Variants in AK9 observed in about 807,000 individuals in gnomAD.
The protein encoded by AK9 is adenylate kinase domain containing 1.
Under a neutral mutation model 239.6 loss-of-function variants are expected in AK9, and 191 were observed. The ratio of observed to expected loss-of-function variants is 0.80; its 90% CI spans 0.71 to 0.90. The LOEUF (loss-of-function observed/expected upper bound fraction) is 0.90. AK9 is among the 40% of genes least tolerant of loss of function. AK9 has a pLI of 0.00. For synonymous variants in AK9, 689 were observed against 721.0 expected (o/e 0.96, Z 0.71); for missense variants, 1,995 against 2,214.7 (o/e 0.90, Z 1.99).
At chr6:109,575,788 T>A (rs1787993555) in intron 20 of AK9, among the ~76,000 whole-genome samples, 1 of 152,248 alleles carries the variant, frequency 6.6e-6, no homozygotes, top group South Asian at 2.1e-4. Flanking sequence ...AGAATTTTTA[T>A]GGTTTCAGGT....
At chr6:109,619,790 T>C (rs182803741) in intron 12 of AK9, among the ~76,000 whole-genome samples, 1 of 152,174 alleles carries the variant, frequency 6.6e-6, no homozygotes, top group East Asian at 1.9e-4. Flanking sequence ...TATGCTCCTT[T>C]GTTGTCAATC....
At chr6:109,513,008 C>T (rs1242379445) in intron 32 of AK9, among the ~76,000 whole-genome samples, 1 of 152,122 alleles carries the variant, frequency 6.6e-6, no homozygotes, top group Non-Finnish European at 1.5e-5. Flanking sequence ...GGACTACAGG[C>T]ATGTGCCACC....
In AK9 at chr6:109,514,410, C is replaced by T; in HGVS notation, c.4093G>A (p.Val1365Ile). Residue 1365 changes from valine to isoleucine, a missense_variant, in exon 32 of 41, where the codon GTT (valine) becomes ATT (isoleucine). Val to Ile is a conservative substitution (Grantham distance 29). Coordinates refer to ENST00000424296, the MANE Select transcript of AK9 (RefSeq NM_001145128.3). ...KLSEGETIKPVENAENPIYPV... is the reference protein window; with the variant it reads ...KLSEGETIKPIENAENPIYPV... ...TAAATTGGATTCTCTGCATTTTCAA[C>T]TGGCTTGATTGTCTCTCCTTCACTT... 1 of 1,549,088 alleles carries T rather than the reference C, an allele frequency of 6.5e-7. No individual in the cohort carries two copies. Among genetic ancestry groups the T allele is most frequent in the South Asian group, 1.2e-5 (1 of 83,778 alleles).
At chr6:109,595,240 C>G (rs552470659) in intron 17 of AK9, among the ~76,000 whole-genome samples, 2 of 152,104 alleles carry the variant, frequency 1.3e-5, no homozygotes, top group African/African-American at 4.8e-5. Context: ...ATGCGGCCAA[C>G]AAACATACGA....
At chr6:109,656,964 A>G in intron 7 of AK9, 80 bp from the exon 8 acceptor site, 1 of 1,490,024 alleles carries the variant, frequency 6.7e-7, no homozygotes, top group South Asian at 1.2e-5. Context: ...CACTCCTTAC[A>G]CCTAGATATC....
At chr6:109,596,366 T>A (rs1791030794) in intron 17 of AK9, among the ~76,000 whole-genome samples, 1 of 152,122 alleles carries the variant, frequency 6.6e-6, no homozygotes, top group African/African-American at 2.4e-5. Context: ...ATGTGCCAGG[T>A]CATGGAGTGG....
intron 38 of AK9, among the ~76,000 whole-genome samples, chr6:109,496,720 C>T (rs979256748): frequency 2.6e-5 from 4 of 152,158 alleles, no homozygotes; most frequent in African/African-American, 9.7e-5. Flanking sequence ...CCGCTGCCTT[C>T]CCCACATAAC....
chr6:109,570,446 A>T (rs1787272410), intron 21 of AK9, among the ~76,000 whole-genome samples: 1 of 152,144 alleles, frequency 6.6e-6, no homozygotes, highest in Non-Finnish European at 1.5e-5. Flanking sequence ...AATAAAAAAA[A>T]GAAAAACCAC....
Position 109,576,074 on chromosome 6 carries a change from T to C in AK9, c.2192-2480A>G, listed in dbSNP as rs1788035444. Reference sequence around the variant, plus strand: ...GTACCATGCTGTTTTGGTAACTATATCCTTGAAGTATAGTTTGAAGTTGGG... The same window carrying C: ...GTACCATGCTGTTTTGGTAACTATACCCTTGAAGTATAGTTTGAAGTTGGG... On this transcript the variant is annotated intron_variant, in intron 20 of 40. Coordinates refer to ENST00000424296, the MANE Select transcript of AK9 (RefSeq NM_001145128.3). 2.6e-5 allele frequency among the ~76,000 whole-genome samples: 4 copies of C among 152,300 alleles called. No individual in the cohort carries two copies. The South Asian group carries it at 8.3e-4, about 32-fold the overall frequency.
intron 12 of AK9, among the ~76,000 whole-genome samples, chr6:109,623,457 A>G (rs1795112163): frequency 2.0e-5 from 3 of 152,268 alleles, no homozygotes; most frequent in Admixed American, 2.0e-4. Context: ...AGAGATCTAC[A>G]TAGAAAGGAA....
chr6:109,562,699 T>G (rs909620266), intron 24 of AK9, among the ~76,000 whole-genome samples: 20 of 152,232 alleles, frequency 1.3e-4, no homozygotes, highest in Non-Finnish European at 2.4e-4. Flanking sequence ...TCCCCATTCC[T>G]AAGGCTAGGC....
At chr6:109,526,623 GGAA>G (rs545869043) in intron 29 of AK9, among the ~76,000 whole-genome samples, 12 of 152,072 alleles carry the variant, frequency 7.9e-5, no homozygotes, top group African/African-American at 2.2e-4. Context: ...ATGAAGAAAT[GGAA>G]GAAGAAGTAA....
chr6:109,596,002 T>A (rs1224788344), intron 17 of AK9, among the ~76,000 whole-genome samples: 4 of 151,012 alleles, frequency 2.6e-5, no homozygotes, highest in African/African-American at 7.3e-5. Context: ...AAGTATAATT[T>A]AAAAAAAAGA....
At chr6:109,669,477 A>C (rs12663805) in intron 5 of AK9, among the ~76,000 whole-genome samples, 1 of 151,680 alleles carries the variant, frequency 6.6e-6, no homozygotes, top group East Asian at 1.9e-4. Context: ...AGTTTTCAAA[A>C]GGAATGCTTC....
Position 109,493,531 on chromosome 6 carries a change from A to G in AK9, c.5574T>C (p.Tyr1858=), listed in dbSNP as rs1776737769. The change falls in exon 41 of 41, where the codon TAT becomes TAC. Residue 1858 remains tyrosine (Y), a synonymous_variant. Coordinates refer to ENST00000424296, the MANE Select transcript of AK9 (RefSeq NM_001145128.3). ...PKGSEYTRKK[Y]KKKMEQFMES... The stretch of plus-strand genomic sequence containing the variant: ...CCATAAACTGCTCCATCTTCTTCTT[A>G]TACTTTTTTCTTGTGTATTCGGAAC... The G allele has an allele frequency of 6.2e-7, 1 of 1,614,058 alleles. No individual in the cohort carries two copies. The highest frequency in any genetic ancestry group is 2.2e-5 in the East Asian group (1 of 44,872).
chr6:109,496,956 C>T (rs751808239), intron 38 of AK9, among the ~76,000 whole-genome samples: 2 of 152,208 alleles, frequency 1.3e-5, no homozygotes, highest in Non-Finnish European at 2.9e-5. Flanking sequence ...AAACCGCAAA[C>T]GCTTCATGGT....
At chr6:109,589,051 C>G (rs12193719) in intron 17 of AK9, among the ~76,000 whole-genome samples, 52,547 of 151,958 alleles carry the variant, frequency 0.35, 9,554 homozygotes, top group South Asian at 0.44. Flanking sequence ...TTTACTTTGG[C>G]TATTTGGGCT....
At position 109,516,049 on chromosome 6, in the gene AK9, T is replaced by C; in HGVS notation, c.3873A>G (p.Pro1291=). Residue 1291 remains proline (P), a synonymous_variant, in exon 31 of 41, where the codon CCA becomes CCG. Coordinates refer to ENST00000424296, the MANE Select transcript of AK9 (RefSeq NM_001145128.3). The part of the protein sequence containing the change: ...IQDELERYLI[P]IISINGARRN... ...TCCGAGCTCCATTAATGGAAATTAT[T>C]GGTATCAAATACCTCTCAAGTTCAT... is the stretch of plus-strand genomic sequence containing the variant. 1 of 1,550,478 alleles carries C rather than the reference T, an allele frequency of 6.4e-7. No individual in the cohort carries two copies. The highest frequency in any genetic ancestry group is 1.4e-5 in the African/African-American group (1 of 73,132).
chr6:109,493,617 G>C (rs1292683513), intron 40 of AK9, 46 bp from the exon 41 acceptor site: 2 of 1,528,978 alleles, frequency 1.3e-6, no homozygotes, highest in Admixed American at 1.7e-5. Context: ...GCTAGTTAGT[G>C]AGTCATTAAA....
Sources: allele counts gnomAD v4.1 joint callset (sites outside exome capture counted in the v4.1 genomes callset), GRCh38; gene constraint gnomAD v4.1.1; transcripts MANE v1.5; gene names NCBI Gene and HGNC (gene_info 2026-07-23, HGNC 2026-07-21).